The following GTF2A2 variants were observed in gnomAD, a reference collection of about 807,000 sequenced individuals.
GTF2A2 encodes general transcription factor IIA subunit 2, also known as transcription initiation factor IIA subunit 2.
Under a neutral mutation model 14.3 loss-of-function variants are expected in GTF2A2, and 9 were observed. The ratio of observed to expected loss-of-function variants is 0.63; its 90% confidence interval spans 0.38 to 1.10. The LOEUF is 1.10. GTF2A2 is among the 50% of genes least tolerant of loss of function. The pLI is 0.01. For synonymous variants in GTF2A2, 56 were observed against 46.0 expected, an observed-to-expected ratio of 1.22 and a Z score of -0.88; for missense variants, 90 against 124.6, an observed-to-expected ratio of 0.72 and a Z score of 1.32.
At position 59,641,602 on chromosome 15, in the gene GTF2A2, T is replaced by G. The variant is rs573762121; in HGVS notation, c.304+534A>C. On this transcript the variant is annotated intron_variant, in intron 4 of 4. Transcript: ENST00000396060. ...AATAAACTAATCATGAAACAGAAATTAGGTGTATAGTTTTTGAAACATTTA... is the reference window on the plus strand; with the variant it reads ...AATAAACTAATCATGAAACAGAAATGAGGTGTATAGTTTTTGAAACATTTA... 7.2e-5 allele frequency among the ~76,000 whole-genome samples: 11 copies of G among 152,276 alleles called. No homozygotes were observed. In the East Asian group the frequency reaches 1.9e-3, roughly 27 times the overall value.
At chr15:59,653,676 T>C (rs1267127562) in intron 1 of GTF2A2, among the ~76,000 whole-genome samples, 3 of 152,166 alleles carry the variant, frequency 2.0e-5, no homozygotes, top group Admixed American at 6.5e-5. Context: ...GTGATGACTC[T>C]CAAATTTGTA....
At chr15:59,644,126 C>T (rs1393893350) in intron 3 of GTF2A2, among the ~76,000 whole-genome samples, 1 of 152,138 alleles carries the variant, frequency 6.6e-6, no homozygotes, top group African/African-American at 2.4e-5. Context: ...AACTTCTGAC[C>T]TCAGGTGATC....
At chr15:59,650,375 T>C (rs1323090369) in intron 3 of GTF2A2, among the ~76,000 whole-genome samples, 9 of 152,202 alleles carry the variant, frequency 5.9e-5, no homozygotes, top group Non-Finnish European at 4.4e-5. Context: ...GCAGATAATA[T>C]TTCAGGTGTT....
At chr15:59,650,823 C>G (rs778805283) in intron 2 of GTF2A2, 50 bp from the exon 3 acceptor site, 1 of 962,366 alleles carries the variant, frequency 1.0e-6, no homozygotes, top group Non-Finnish European at 1.6e-6. Flanking sequence ...ACATTAAAGA[C>G]AAAGTAAATA....
chr15:59,647,478 A>C (rs1263695971), intron 3 of GTF2A2, among the ~76,000 whole-genome samples: 1 of 152,202 alleles, frequency 6.6e-6, no homozygotes, highest in Non-Finnish European at 1.5e-5. Context: ...AGCTTTGGTC[A>C]AATATTACTT....
Position 59,639,116 on chromosome 15 carries a change from G to T in GTF2A2, c.*16C>A, listed in dbSNP as rs561590300. 2 of 1,377,542 alleles carry T rather than the reference G, an allele frequency of 1.5e-6. No homozygotes were observed. The highest frequency in any genetic ancestry group is 2.1e-6 in the Non-Finnish European group (2 of 967,572). 85.3% of individuals were successfully genotyped at this position (1,377,542 alleles called of 1,614,324 possible). A position where few individuals can be genotyped will look rare whatever the true frequency, so the allele number is the denominator to read the frequency against. ...GAATAACAGAAGATGGTGTAAAAAA[G>T]TCATATTTTTTCTATTCATTCTGTA... On this transcript the variant is annotated 3_prime_UTR_variant, in exon 5 of 5. Coordinates refer to ENST00000396060, the MANE Select transcript of GTF2A2 (RefSeq NM_004492.3).
rs532826446 is a variant in GTF2A2, at chr15:59,642,297, G to A, written c.178-35C>T. The A allele has an allele frequency of 1.1e-5, 17 of 1,544,290 alleles. No homozygotes were observed. The East Asian group carries it at 1.4e-4, about 13-fold the overall frequency. On this transcript the variant is annotated intron_variant, in intron 3 of 4. Coordinates refer to ENST00000396060, the MANE Select transcript of GTF2A2 (RefSeq NM_004492.3). ...AAAACATTTAGAAATACCGTGAAAC[G>A]TTTTTTCCCCTCACATTTTTCTCCA...
intron 3 of GTF2A2, among the ~76,000 whole-genome samples, chr15:59,645,442 T>C (rs962853233): frequency 6.6e-6 from 1 of 151,962 alleles, no homozygotes; most frequent in African/African-American, 2.4e-5. Context: ...GCTCACACAG[T>C]ATGGTTTCAA....
Position 59,639,040 on chromosome 15 carries a change from C to CAATTCTAGAAT in GTF2A2, c.*81_*91dup, listed in dbSNP as rs1555393727. 1.1e-5 allele frequency: 9 copies of CAATTCTAGAAT among 787,156 alleles called. No individual in the cohort carries two copies. The Admixed American group carries it at 1.8e-4, about 15-fold the overall frequency. The allele number at this position is 787,156 out of a possible 1,614,324, so 48.8% of individuals were successfully genotyped here. Reference sequence around the variant, plus strand: ...GTATAGCACAGTGTAGTCATTTCTGCAATTCTAGAATAAATAAAAAGTCTC... The same window carrying CAATTCTAGAAT: ...GTATAGCACAGTGTAGTCATTTCTGCAATTCTAGAATAATTCTAGAATAAATAAAAAGTCTC... On this transcript the variant is annotated 3_prime_UTR_variant, in exon 5 of 5. Coordinates refer to ENST00000396060, the MANE Select transcript of GTF2A2 (RefSeq NM_004492.3).
At chr15:59,639,767 T>A (rs1012354861) in intron 4 of GTF2A2, among the ~76,000 whole-genome samples, 13 of 151,288 alleles carry the variant, frequency 8.6e-5, no homozygotes, top group Admixed American at 2.0e-4. Context: ...AATTTTTTTT[T>A]AAAGACAGAG....
At position 59,638,135 on chromosome 15, in the gene GTF2A2, C is replaced by T. The variant is rs1415750634; in HGVS notation, c.*997G>A. 1.3e-5 allele frequency: 2 copies of T among 152,122 alleles called. No individual in the cohort carries two copies. Among genetic ancestry groups the T allele is most frequent in the Non-Finnish European group, 2.9e-5 (2 of 68,048 alleles). The allele number at this position is 152,122 out of a possible 1,614,324, so 9.4% of individuals were successfully genotyped here. Reference sequence around the variant, plus strand: ...GCCAGGCTGGTCTCCAACTCCTGGACTCAAGTAATCCTCCAGTCTCAGCCT... The same window carrying T: ...GCCAGGCTGGTCTCCAACTCCTGGATTCAAGTAATCCTCCAGTCTCAGCCT... On this transcript the variant is annotated 3_prime_UTR_variant, in exon 5 of 5. Transcript: ENST00000396060.
intron 3 of GTF2A2, among the ~76,000 whole-genome samples, chr15:59,643,919 G>C (rs1891518704): frequency 6.6e-6 from 1 of 151,872 alleles, no homozygotes. Context: ...TTTTGAGATA[G>C]AGTCTCACTC....
intron 4 of GTF2A2, among the ~76,000 whole-genome samples, chr15:59,639,386 G>A (rs1409167588): frequency 1.3e-5 from 2 of 151,844 alleles, no homozygotes; most frequent in Middle Eastern, 3.4e-3. Context: ...TCATACTAGA[G>A]TAAAACTAAG....
intron 1 of GTF2A2, chr15:59,656,716 G>A (rs944336940): frequency 6.6e-6 from 1 of 152,282 alleles, no homozygotes; most frequent in Middle Eastern, 3.4e-3. Flanking sequence ...TAGGAATACA[G>A]AATCGTGCAT....
chr15:59,640,420 G>C (rs1451498932), intron 4 of GTF2A2, among the ~76,000 whole-genome samples: 1 of 152,130 alleles, frequency 6.6e-6, no homozygotes, highest in Non-Finnish European at 1.5e-5. Context: ...CAAATGTATG[G>C]TTCAAATGAC....
chr15:59,645,222 G>C (rs1034995020), intron 3 of GTF2A2, among the ~76,000 whole-genome samples: 1 of 152,160 alleles, frequency 6.6e-6, no homozygotes. Context: ...TGAATTTCAG[G>C]TATATCTAAG....
Position 59,639,132 on chromosome 15 carries a change from T to G in GTF2A2, c.330A>C (p.Ter110CysextTer5). ...GKNTGSNTTE* is the reference protein window; with the variant it reads ...GKNTGSNTTEC ...TGTAAAAAAGTCATATTTTTTCTATTCATTCTGTAGTATTGGAGCCAGTAT... is the reference window on the plus strand; with the variant it reads ...TGTAAAAAAGTCATATTTTTTCTATGCATTCTGTAGTATTGGAGCCAGTAT... Residue 110 changes from the stop codon to cysteine, a stop_lost, in exon 5 of 5, where the codon TGA (stop) becomes TGC (cysteine). Transcript: ENST00000396060. 1 of 1,439,030 alleles carries G rather than the reference T, an allele frequency of 6.9e-7. No individual in the cohort carries two copies. Among genetic ancestry groups the G allele is most frequent in the Non-Finnish European group, 9.8e-7 (1 of 1,024,608 alleles). The allele number at this position is 1,439,030 out of a possible 1,614,324, so 89.1% of individuals were successfully genotyped here.
intron 3 of GTF2A2, among the ~76,000 whole-genome samples, chr15:59,645,180 G>A (rs1891561743): frequency 6.6e-6 from 1 of 152,138 alleles, no homozygotes; most frequent in African/African-American, 2.4e-5. Flanking sequence ...AGAAAAAGCT[G>A]GTTGGGGAGT....
intron 4 of GTF2A2, among the ~76,000 whole-genome samples, chr15:59,640,993 G>C (rs1223863669): frequency 1.3e-5 from 2 of 152,200 alleles, no homozygotes; most frequent in South Asian, 2.1e-4. Context: ...GCTAGGTTCA[G>C]AGACTTTCTG....
Sources: allele counts gnomAD v4.1 joint callset (sites outside exome capture counted in the v4.1 genomes callset), GRCh38; gene constraint gnomAD v4.1.1; transcripts MANE v1.5; gene names NCBI Gene and HGNC (gene_info 2026-07-23, HGNC 2026-07-21).